The following CADM4 variants were observed in gnomAD, a reference collection of about 807,000 sequenced individuals.
CADM4 encodes TSLC1-like 2.
A neutral mutation model predicts 43.9 loss-of-function variants in CADM4; 13 were observed. The ratio of observed to expected loss-of-function variants is 0.30; its 90% CI spans 0.19 to 0.47. CADM4 has a LOEUF of 0.47. Ranked by LOEUF, CADM4 falls within the 20% of genes least tolerant of loss-of-function variation. The pLI is 1.00. For missense variants in CADM4, 420 were observed against 527.0 expected (o/e 0.80, Z 1.99); for synonymous variants, 209 against 220.9 (o/e 0.95, Z 0.48).
rs1451041061 is a variant in CADM4, at chr19:43,627,681, G to A, written c.174C>T (p.Asn58=). 9 of 1,613,970 alleles carry A rather than the reference G, an allele frequency of 5.6e-6. No individual in the cohort carries two copies. The highest frequency in any genetic ancestry group is 7.6e-6 in the Non-Finnish European group (9 of 1,179,978). Residue 58 remains asparagine, a synonymous_variant, in exon 2 of 9, where the codon AAC becomes AAT. Transcript: ENST00000222374. This position sits in a 1 kb window ranked among gnomAD's most constrained non-coding sequence, Gnocchi z 4.0. ...QYDGSIVVIQ[N]PARQTLFFNG... The stretch of plus-strand genomic sequence containing the variant: ...TGAAGAAGAGGGTCTGCCGGGCTGG[G>A]TTCTGGATGACAACTATGGACCCAT...
intron 1 of CADM4, among the ~76,000 whole-genome samples, chr19:43,634,302 A>G (rs1450036496): frequency 6.6e-6 from 1 of 152,190 alleles, no homozygotes; most frequent in Non-Finnish European, 1.5e-5. Flanking sequence ...AAACATCTCG[A>G]AGCCTATCCA....
Position 43,626,349 on chromosome 19 carries a change from C to A in CADM4, c.500-61G>T, listed in dbSNP as rs1033733027. The A allele has an allele frequency of 1.3e-6, 2 of 1,578,676 alleles. No individual in the cohort carries two copies. The highest frequency in any genetic ancestry group is 1.7e-6 in the Non-Finnish European group (2 of 1,162,750). On this transcript the variant is annotated intron_variant, in intron 4 of 8. Coordinates refer to ENST00000222374, the MANE Select transcript of CADM4 (RefSeq NM_145296.2). This position sits in a 1 kb window ranked among gnomAD's most constrained non-coding sequence, Gnocchi z 5.9. ...TTCCGGCTCCATCCACCCACCCACC[C>A]GAGCCAACGCCAAAGCAGGCTATTT...
chr19:43,633,577 C>T (rs971408039), intron 1 of CADM4, among the ~76,000 whole-genome samples: 2 of 152,190 alleles, frequency 1.3e-5, no homozygotes, highest in South Asian at 4.1e-4. Context: ...TGATAAGTGT[C>T]TGGGGAACTT....
chr19:43,624,281 G>A, intron 7 of CADM4, 39 bp from the exon 8 acceptor site: 1 of 1,613,814 alleles, frequency 6.2e-7, no homozygotes, highest in Non-Finnish European at 8.5e-7. Flanking sequence ...GTCATCAGAG[G>A]ACGATCCCAG....
chr19:43,632,992 A>T (rs1973648889), intron 1 of CADM4, among the ~76,000 whole-genome samples: 1 of 150,950 alleles, frequency 6.6e-6, no homozygotes, highest in African/African-American at 2.4e-5. Flanking sequence ...GAATTGCTTG[A>T]ACCCAGGAGG....
chr19:43,639,886 C>T, upstream of CADM4: 7 of 945,148 alleles, frequency 7.4e-6, no homozygotes, highest in Non-Finnish European at 7.5e-6. Context: ...CCCCTGCCCG[C>T]CCGGGGGCGG....
chr19:43,628,394 C>T (rs892997866), intron 1 of CADM4, among the ~76,000 whole-genome samples: 1 of 150,822 alleles, frequency 6.6e-6, no homozygotes, highest in African/African-American at 2.4e-5. Flanking sequence ...GAGATGGAGC[C>T]ACTGCACTCC....
At chr19:43,638,305 T>C (rs73558705) in intron 1 of CADM4, among the ~76,000 whole-genome samples, 2 of 152,180 alleles carry the variant, frequency 1.3e-5, no homozygotes. Flanking sequence ...TTCAACATCC[T>C]CACTTTACAG....
In CADM4 at chr19:43,623,439, C is replaced by G. The variant is rs772864661; in HGVS notation, c.1058G>C (p.Gly353Ala). 1 of 1,610,990 alleles carries G rather than the reference C, an allele frequency of 6.2e-7. No individual in the cohort carries two copies. The highest frequency in any genetic ancestry group is 1.1e-5 in the South Asian group (1 of 91,018). ...ACTGGCTTCGTGGGTCAGATAGGAA[C>G]CTGAGGGGGTGACAGACCCCCGGGG... ...GMVWCSVRQKGSYLTHEASGL... is the reference protein window; with the variant it reads ...GMVWCSVRQKASYLTHEASGL... Residue 353 changes from glycine (G) to alanine (A), a missense_variant and splice_region_variant, in exon 9 of 9, where the codon GGT becomes GCT. By Grantham distance (60) the Gly-to-Ala change is moderately conservative (BLOSUM62 0). Coordinates refer to ENST00000222374, the MANE Select transcript of CADM4 (RefSeq NM_145296.2). This position sits in a 1 kb window ranked among gnomAD's most constrained non-coding sequence, Gnocchi z 4.4.
At chr19:43,631,108 C>T (rs897519587) in intron 1 of CADM4, among the ~76,000 whole-genome samples, 3 of 151,940 alleles carry the variant, frequency 2.0e-5, no homozygotes, top group South Asian at 2.1e-4. Flanking sequence ...TTTGGGAGGC[C>T]GAGGTGGGCG....
In CADM4 at chr19:43,627,503, C is replaced by T; in HGVS notation, c.211+141G>A. 1.7e-6 allele frequency: 2 copies of T among 1,200,758 alleles called. No homozygotes were observed. Among genetic ancestry groups the T allele is most frequent in the Non-Finnish European group, 2.3e-6 (2 of 875,906 alleles). 74.4% of individuals were successfully genotyped at this position (1,200,758 alleles called of 1,614,324 possible). On this transcript the variant is annotated intron_variant, in intron 2 of 8. Transcript: ENST00000222374. The surrounding 1 kb of genome is among the most constrained non-coding windows in gnomAD (Gnocchi z 4.0). ...TATTCAAGTCCTCCTGCCTGCAGGA[C>T]CAGCAGTCCGGGACCCCAGCCCTTT...
intron 1 of CADM4, among the ~76,000 whole-genome samples, chr19:43,638,318 A>G (rs1350880432): frequency 6.6e-6 from 1 of 152,240 alleles, no homozygotes; most frequent in Non-Finnish European, 1.5e-5. Context: ...CTTTACAGAA[A>G]GAGAAACAGA....
Position 43,626,413 on chromosome 19 carries a change from T to C in CADM4, c.500-125A>G. On this transcript the variant is annotated intron_variant, in intron 4 of 8. Transcript: ENST00000222374. This position sits in a 1 kb window ranked among gnomAD's most constrained non-coding sequence, Gnocchi z 5.9. ...CCTTACCCACAGGCCCCGCCTCTTG[T>C]CCTCCAAGCTACGCCCCTCCCCTAA... 8.2e-7 allele frequency: 1 copy of C among 1,215,984 alleles called. No homozygotes were observed. The highest frequency in any genetic ancestry group is 1.1e-6 in the Non-Finnish European group (1 of 874,056). The allele number at this position is 1,215,984 out of a possible 1,614,324, so 75.3% of individuals were successfully genotyped here.
chr19:43,637,435 C>G (rs1454499539), intron 1 of CADM4, among the ~76,000 whole-genome samples: 1 of 151,944 alleles, frequency 6.6e-6, no homozygotes, highest in Non-Finnish European at 1.5e-5. Context: ...AAAGTAAGGC[C>G]CAGAGAGGGA....
At chr19:43,639,930 G>T (rs1205235894), upstream of CADM4, 3 of 612,164 alleles carry the variant, frequency 4.9e-6, no homozygotes, top group East Asian at 1.4e-4. Flanking sequence ...GGGGAGGGGA[G>T]GGGGAGACGG....
intron 1 of CADM4, among the ~76,000 whole-genome samples, chr19:43,628,907 T>TGACCC (rs1973574656): frequency 1.3e-5 from 2 of 152,210 alleles, no homozygotes; most frequent in African/African-American, 4.8e-5. Context: ...GCCACACAAG[T>TGACCC]GACCCCAGTT....
chr19:43,625,020 C>A lies in CADM4; in HGVS notation c.928+58G>T. The A allele has an allele frequency of 7.1e-7, 1 of 1,409,536 alleles. No individual in the cohort carries two copies. The highest frequency in any genetic ancestry group is 9.5e-7 in the Non-Finnish European group (1 of 1,052,750). 87.3% of individuals were successfully genotyped at this position (1,409,536 alleles called of 1,614,324 possible). A position where few individuals can be genotyped will look rare whatever the true frequency, so the allele number is the denominator to read the frequency against. ...GTTATGTGGCCTCTTTGCTCAAGCC[C>A]CGCCCCCGCCACCTGGCGCCCCGCC... On this transcript the variant is annotated intron_variant, in intron 7 of 8. Transcript: ENST00000222374. This position sits in a 1 kb window ranked among gnomAD's most constrained non-coding sequence, Gnocchi z 4.5.
chr19:43,629,909 G>A (rs528046114), intron 1 of CADM4, among the ~76,000 whole-genome samples: 4 of 151,738 alleles, frequency 2.6e-5, no homozygotes, highest in South Asian at 2.1e-4. Flanking sequence ...GACCCACCGC[G>A]CCTGGCCAAT....
intron 1 of CADM4, among the ~76,000 whole-genome samples, chr19:43,633,881 G>T (rs1355880302): frequency 4.7e-5 from 7 of 149,682 alleles, no homozygotes; most frequent in Admixed American, 4.7e-4. Context: ...TTTTTTTAGA[G>T]ATGGGGGTCT....
Sources: gnomAD v4.1 joint callset for allele counts (sites outside exome capture counted in the v4.1 genomes callset) on GRCh38, gnomAD v4.1.1 for gene constraint, Gnocchi (gnomAD v3.1) non-coding constraint, MANE v1.5 for transcripts, NCBI Gene and HGNC (gene_info 2026-07-23, HGNC 2026-07-21) for gene names.